MACF1: variants seen among roughly 807,000 people sequenced by gnomAD.
MACF1 encodes the protein microtubule-actin cross-linking factor 1.
In MACF1, 193 loss-of-function variants were observed where a neutral mutation model predicts 854.8. The ratio of observed to expected loss-of-function variants is 0.23; its 90% confidence interval spans 0.20 to 0.25. MACF1 has a LOEUF of 0.25. Among genes scored for constraint, MACF1 ranks in the 10% least tolerant of loss-of-function variants. The pLI is 1.00. For synonymous variants in MACF1, 3,185 were observed against 3,226.7 expected (o/e 0.99, Z 0.44); for missense variants, 7,722 against 8,929.1 (o/e 0.86, Z 5.45).
rs370817137 is a variant in MACF1, at chr1:39,413,598, G to T, written c.15817-8776G>T. ...AGCCCACCTCCCCAGCTGCTGCAGT[G>T]CCCACCCCAGAGGAGCCCGCCTCCC... On this transcript the variant is annotated intron_variant, in intron 58 of 100. Transcript: ENST00000564288. 1.3e-4 allele frequency: 186 copies of T among 1,436,998 alleles called. No individual in the cohort carries two copies. The African/African-American group carries it at 2.7e-3, about 21-fold the overall frequency. 89.0% of individuals were successfully genotyped at this position (1,436,998 alleles called of 1,614,324 possible).
intron 52 of MACF1, among the ~76,000 whole-genome samples, chr1:39,375,984 T>A (rs1649686335): frequency 6.6e-6 from 1 of 152,248 alleles, no homozygotes; most frequent in African/African-American, 2.4e-5. Context: ...GTATTACACA[T>A]GTGCTATAGA....
chr1:39,340,823 A>G lies in MACF1; in HGVS notation c.10451A>G (p.His3484Arg). ...EIEKTKVLNQ[H>R]TQLEGRLQDL... Reference sequence around the variant, plus strand: ...TCTTAGACTAAAGTGTTAAATCAGCACACACAGCTAGAAGGCCGACTTCAA... The same window carrying G: ...TCTTAGACTAAAGTGTTAAATCAGCGCACACAGCTAGAAGGCCGACTTCAA... The change falls in exon 40 of 101, where the codon CAC becomes CGC. Residue 3484 changes from histidine to arginine, a missense_variant. Physicochemically the swap from His to Arg is conservative, Grantham distance 29. This residue lies in a region of MACF1 where 854 missense variants were observed against 852.6 expected (regional missense o/e 1.00). Transcript: ENST00000564288. 6.2e-7 allele frequency: 1 copy of G among 1,613,382 alleles called. No individual in the cohort carries two copies.
At chr1:39,245,067 G>C (rs967038998) in intron 2 of MACF1, among the ~76,000 whole-genome samples, 3 of 152,074 alleles carry the variant, frequency 2.0e-5, no homozygotes, top group African/African-American at 7.2e-5. Flanking sequence ...AGATTGAGAG[G>C]CATAATAAGC....
intron 97 of MACF1, among the ~76,000 whole-genome samples, chr1:39,470,044 C>T (rs948879414): frequency 6.6e-6 from 1 of 152,074 alleles, no homozygotes; most frequent in Non-Finnish European, 1.5e-5. Flanking sequence ...GAGTATGTGC[C>T]CCTAGTCAGC....
chr1:39,144,298 C>G (rs1643414858), intron 2 of MACF1, among the ~76,000 whole-genome samples: 1 of 151,928 alleles, frequency 6.6e-6, no homozygotes, highest in Admixed American at 6.6e-5. Context: ...CCAGGCTGGT[C>G]CCGAACTCCT....
At chr1:39,121,923 T>C (rs1003914369) in intron 2 of MACF1, among the ~76,000 whole-genome samples, 6 of 152,172 alleles carry the variant, frequency 3.9e-5, no homozygotes, top group African/African-American at 1.4e-4. Context: ...TTTGGCCCTC[T>C]TTTACCTTAA....
chr1:39,181,313 T>C (rs1188040802), intron 2 of MACF1, among the ~76,000 whole-genome samples: 1 of 152,200 alleles, frequency 6.6e-6, no homozygotes, highest in Non-Finnish European at 1.5e-5. Flanking sequence ...ATTTGAGTAT[T>C]TTAGTTTCCG....
chr1:39,127,757 G>A (rs1341423011), intron 2 of MACF1, among the ~76,000 whole-genome samples: 1 of 152,060 alleles, frequency 6.6e-6, no homozygotes, highest in African/African-American at 2.4e-5. Context: ...GTTTTCATTG[G>A]GAAAGAGAAT....
intron 2 of MACF1, among the ~76,000 whole-genome samples, chr1:39,183,430 GGCCCCTTATTGCT>G (rs1245508067): frequency 1.3e-5 from 2 of 151,968 alleles, no homozygotes; most frequent in African/African-American, 4.8e-5. Flanking sequence ...GTTTGTATTG[GGCCCCTTATTGCT>G]GCCACTGAGA....
At chr1:39,436,496 G>C (rs762958908) in intron 70 of MACF1, 3 of 1,613,810 alleles carry the variant, frequency 1.9e-6, no homozygotes, top group Non-Finnish European at 2.5e-6. Flanking sequence ...CAGAGGTAAG[G>C]TACCCATCCC....
intron 2 of MACF1, among the ~76,000 whole-genome samples, chr1:39,240,237 C>T (rs1169032133): frequency 6.6e-6 from 1 of 152,134 alleles, no homozygotes; most frequent in Non-Finnish European, 1.5e-5. Context: ...CAGAATGAGA[C>T]GGGCAGTGGA....
chr1:39,447,209 A>G (rs1171823247), intron 80 of MACF1, among the ~76,000 whole-genome samples: 1 of 152,160 alleles, frequency 6.6e-6, no homozygotes, highest in African/African-American at 2.4e-5. Flanking sequence ...ATTGTGCTCT[A>G]TTTCCTTTTC....
intron 26 of MACF1, among the ~76,000 whole-genome samples, chr1:39,314,581 A>T (rs887797959): frequency 2.0e-5 from 3 of 150,444 alleles, no homozygotes; most frequent in Non-Finnish European, 4.4e-5. Flanking sequence ...ACACACACAC[A>T]CACACACACA....
Position 39,302,975 on chromosome 1 carries a change from A to T in MACF1, c.2686A>T (p.Thr896Ser). 1 of 1,614,180 alleles carries T rather than the reference A, an allele frequency of 6.2e-7. No individual in the cohort carries two copies. Among genetic ancestry groups the T allele is most frequent in the Non-Finnish European group, 8.5e-7 (1 of 1,180,016 alleles). ...ECVLEDNSQR[T>S]KWKVISPTGN... ...TGTGCTAGAAGATAATTCTCAGCGG[A>T]CCAAATGGAAAGTGATCAGCCCCAC... is the stretch of plus-strand genomic sequence containing the variant. The change falls in exon 23 of 101, where the codon ACC (threonine) becomes TCC (serine). Residue 896 changes from threonine (T) to serine (S), a missense_variant. Physicochemically the swap from Thr to Ser is moderately conservative, Grantham distance 58 (BLOSUM62 1). This residue lies in a region of MACF1 where 1,137 missense variants were observed against 1,263.0 expected (regional missense o/e 0.90). Coordinates refer to ENST00000564288, the MANE Select transcript of MACF1 (RefSeq NM_001394062.1).
intron 23 of MACF1, among the ~76,000 whole-genome samples, 197 bp from the exon 24 acceptor site, chr1:39,309,373 C>A (rs1646253975): frequency 6.6e-6 from 1 of 151,530 alleles, no homozygotes; most frequent in South Asian, 2.1e-4. Flanking sequence ...TCTGTGATTA[C>A]AGGCATGAGC....
chr1:39,442,261 C>T lies in MACF1; in HGVS notation c.18889C>T (p.Pro6297Ser), dbSNP rs768869747. The T allele has an allele frequency of 3.0e-5, 49 of 1,609,728 alleles. No homozygotes were observed. The highest frequency in any genetic ancestry group is 3.9e-5 in the Non-Finnish European group (46 of 1,178,670). The stretch of plus-strand genomic sequence containing the variant: ...GACGGACAGAGACATTATACGAGAA[C>T]CACTGACAGAACTCAAACACCTCTG... ...DETDRDIIRE[P>S]LTELKHLWEN... Residue 6297 changes from proline (P) to serine (S), a missense_variant, in exon 76 of 101, where the codon CCA (proline) becomes TCA (serine). Physicochemically the swap from Pro to Ser is moderately conservative, Grantham distance 74 (BLOSUM62 -1). Coordinates refer to ENST00000564288, the MANE Select transcript of MACF1 (RefSeq NM_001394062.1).
chr1:39,424,555 T>A (rs758225036), intron 61 of MACF1, among the ~76,000 whole-genome samples: 8 of 152,222 alleles, frequency 5.3e-5, no homozygotes, highest in Non-Finnish European at 1.0e-4. Flanking sequence ...ATGCTTTTGA[T>A]ACTTGGAATT....
rs1648137901 is a variant in MACF1 at position 39,360,985 on chromosome 1, C to T, written c.12437C>T (p.Ala4146Val). 2.5e-6 allele frequency: 4 copies of T among 1,613,988 alleles called. No individual in the cohort carries two copies. The East Asian group carries it at 8.9e-5, about 36-fold the overall frequency. Residue 4146 changes from alanine to valine, a missense_variant, in exon 48 of 101, where the codon GCC becomes GTC. By Grantham distance (64) the Ala-to-Val change is moderately conservative. Coordinates refer to ENST00000564288, the MANE Select transcript of MACF1 (RefSeq NM_001394062.1). ...CTCTCATCAGGAGTCATCCAGGAAGCCTTAGCCACAAATATGGTAAGATCT... is the reference window on the plus strand; with the variant it reads ...CTCTCATCAGGAGTCATCCAGGAAGTCTTAGCCACAAATATGGTAAGATCT... The part of the protein sequence containing the change: ...SSLSSGVIQE[A>V]LATNMKLKQD...
intron 97 of MACF1, among the ~76,000 whole-genome samples, chr1:39,478,720 G>T (rs1275919950): frequency 1.3e-5 from 2 of 152,208 alleles, no homozygotes; most frequent in African/African-American, 4.8e-5. Context: ...AGATGAGAAG[G>T]TGGACAAAAT....
Sources: gnomAD v4.1 joint callset for allele counts (sites outside exome capture counted in the v4.1 genomes callset) on GRCh38, gnomAD v4.1.1 for gene constraint, gnomAD v4.1.1 regional missense constraint, MANE v1.5 for transcripts, NCBI Gene and HGNC (gene_info 2026-07-23, HGNC 2026-07-21) for gene names.